Variants in ENOX2 observed in about 807,000 individuals in gnomAD.
ENOX2 encodes ecto-NOX disulfide-thiol exchanger 2, also known as APK1 antigen.
Under a neutral mutation model 45.0 loss-of-function variants are expected in ENOX2, and 36 were observed. That is an observed-to-expected ratio of 0.80 (90% CI 0.61 to 1.06). The LOEUF (loss-of-function observed/expected upper bound fraction) is 1.06, where lower values mean the gene tolerates loss of function less well. ENOX2 is among the 50% of genes least tolerant of loss of function. The pLI, the probability that ENOX2 is intolerant of heterozygous loss-of-function variation, is 0.00. For synonymous variants in ENOX2, 174 were observed against 152.3 expected (o/e 1.14, Z -1.05); for missense variants, 423 against 462.5 (o/e 0.91, Z 0.78).
rs1024669879 is a variant in ENOX2 at position 130,624,078 on chromosome X, C to A, written c.*1236G>T. On this transcript the variant is annotated 3_prime_UTR_variant, in exon 15 of 15. Coordinates refer to ENST00000394363, the MANE Select transcript of ENOX2 (RefSeq NM_006375.4). Reference sequence around the variant, plus strand: ...CTTGCATTATTATAAATACCACAACCACCACCACACACAATAAAGACCATC... The same window carrying A: ...CTTGCATTATTATAAATACCACAACAACCACCACACACAATAAAGACCATC... The A allele has an allele frequency of 6.3e-5, 7 of 110,535 alleles. No homozygotes were observed. The highest frequency in any genetic ancestry group is 3.9e-4 in the Admixed American group (4 of 10,284). The allele number at this position is 110,535 out of a possible 1,213,427, so 9.1% of individuals were successfully genotyped here.
intron 2 of ENOX2, among the ~76,000 whole-genome samples, chrX:130,845,048 AT>A (rs1352436855): frequency 3.6e-5 from 4 of 112,502 alleles, no homozygotes; most frequent in African/African-American, 1.3e-4. Flanking sequence ...CTCATATTTA[AT>A]GATATGTGTG....
At chrX:130,717,282 C>G (rs746782732) in intron 3 of ENOX2, among the ~76,000 whole-genome samples, 1 of 112,038 alleles carries the variant, frequency 8.9e-6, no homozygotes, top group Non-Finnish European at 1.9e-5. Context: ...AGTTCCAACA[C>G]CAAGGAAAAC....
At chrX:130,880,617 T>C (rs1397265673) in intron 2 of ENOX2, among the ~76,000 whole-genome samples, 1 of 112,260 alleles carries the variant, frequency 8.9e-6, no homozygotes, top group Non-Finnish European at 1.9e-5. Context: ...TTGTGAGTCA[T>C]GAGTGGCTAA....
chrX:130,749,514 A>G (rs1280729593), intron 3 of ENOX2, among the ~76,000 whole-genome samples: 2 of 111,827 alleles, frequency 1.8e-5, no homozygotes, highest in Non-Finnish European at 3.8e-5. Flanking sequence ...CAAACTCCAC[A>G]GTACTGACAG....
chrX:130,671,142 T>C (rs1024752750), intron 6 of ENOX2, among the ~76,000 whole-genome samples: 5 of 111,972 alleles, frequency 4.5e-5, no homozygotes, highest in African/African-American at 1.6e-4. Flanking sequence ...CATTAGACTC[T>C]GTGCTTTCCT....
intron 2 of ENOX2, among the ~76,000 whole-genome samples, chrX:130,855,970 T>A (rs1166533795): frequency 8.9e-6 from 1 of 111,911 alleles, no homozygotes; most frequent in Non-Finnish European, 1.9e-5. Context: ...GATGAAAAGA[T>A]ACTCAACATC....
intron 2 of ENOX2, among the ~76,000 whole-genome samples, chrX:130,810,936 A>G (rs934257349): frequency 3.4e-4 from 38 of 112,110 alleles, no homozygotes; most frequent in African/African-American, 1.2e-3. Context: ...GCATCAGACT[A>G]GCCTCAGGTT....
At chrX:130,888,559 T>C (rs902680430) in intron 2 of ENOX2, among the ~76,000 whole-genome samples, 1 of 112,045 alleles carries the variant, frequency 8.9e-6, no homozygotes, top group Non-Finnish European at 1.9e-5. Context: ...AATGAGATAA[T>C]AGGTATGAAA....
rs766669203 is a variant in ENOX2, at chrX:130,709,346, T to C, written c.-38-6092A>G. The C allele has an allele frequency of 6.9e-5, 73 of 1,057,424 alleles. 1 individual carries two copies. The highest frequency in any genetic ancestry group is 1.3e-4 in the African/African-American group (7 of 54,265). 87.1% of individuals were successfully genotyped at this position (1,057,424 alleles called of 1,213,427 possible). ...TGTCATCATTTCTGCAGAAAGAAGA[T>C]AGTAGTCTCAGCTGGGCGTGGTAGC... On this transcript the variant is annotated intron_variant, in intron 3 of 14. Transcript: ENST00000394363.
In ENOX2 at chrX:130,767,944, T is replaced by C. The variant is rs1420292620; in HGVS notation, c.-39+15603A>G. ...AGGAGGATATTTCAGGTAGAGGGAA[T>C]GGATTGAAAGCATAGGGCATGTTTT... On this transcript the variant is annotated intron_variant, in intron 3 of 14. Coordinates refer to ENST00000394363, the MANE Select transcript of ENOX2 (RefSeq NM_006375.4). Among the ~76,000 whole-genome samples, 11 of 111,348 alleles carry C rather than the reference T, an allele frequency of 9.9e-5. No individual in the cohort carries two copies. In the Admixed American group the frequency reaches 1.1e-3, roughly 11 times the overall value.
At chrX:130,682,469 A>C (rs2037332214) in intron 5 of ENOX2, among the ~76,000 whole-genome samples, 1 of 107,466 alleles carries the variant, frequency 9.3e-6, no homozygotes, top group African/African-American at 3.4e-5. Flanking sequence ...CTGTAATCCC[A>C]GCTAATTGGG....
chrX:130,793,610 C>G lies in ENOX2; in HGVS notation c.-182-9920G>C, dbSNP rs146853846. Among the ~76,000 whole-genome samples, 185 of 111,905 alleles carry G rather than the reference C, an allele frequency of 1.7e-3. 1 individual carries two copies. Among genetic ancestry groups the G allele is most frequent in the Non-Finnish European group, 2.9e-3 (153 of 53,201 alleles). Reference sequence around the variant, plus strand: ...ACTACAGCTGGACTAGAGAGAGTATCATTTCTCTCTAAATCCATATTTTCG... The same window carrying G: ...ACTACAGCTGGACTAGAGAGAGTATGATTTCTCTCTAAATCCATATTTTCG... On this transcript the variant is annotated intron_variant, in intron 2 of 14. Transcript: ENST00000394363.
At chrX:130,658,260 C>A (rs907867345) in intron 9 of ENOX2, among the ~76,000 whole-genome samples, 6 of 110,689 alleles carry the variant, frequency 5.4e-5, no homozygotes, top group Admixed American at 9.6e-5. Context: ...ATAAAAATAA[C>A]CAGACGAGCC....
intron 2 of ENOX2, among the ~76,000 whole-genome samples, chrX:130,820,273 C>T (rs1219923681): frequency 8.9e-6 from 1 of 112,138 alleles, no homozygotes; most frequent in Non-Finnish European, 1.9e-5. Flanking sequence ...TCACCCCACA[C>T]CTGACAGAAT....
intron 3 of ENOX2, among the ~76,000 whole-genome samples, chrX:130,777,394 G>C (rs1413170718): frequency 9.2e-6 from 1 of 108,323 alleles, no homozygotes; most frequent in Non-Finnish European, 1.9e-5. Context: ...AGCTACTCGG[G>C]GGGAGCTGAG....
chrX:130,670,021 G>A lies in ENOX2; in HGVS notation c.638C>T (p.Pro213Leu), dbSNP rs12689920. 10 of 1,209,024 alleles carry A rather than the reference G, an allele frequency of 8.3e-6. No homozygotes were observed. The East Asian group carries it at 3.0e-4, about 36-fold the overall frequency. ...EEERLRPPSP[P>L]PVVHYSDHEC... is the part of the protein sequence containing the mutation. ...ATGATCTGAATAGTGGACCACTGGG[G>A]GTGGAGATGGTGGACGCAATCTTTC... The change falls in exon 7 of 15, where the codon CCC becomes CTC. Residue 213 changes from proline to leucine, a missense_variant. This residue lies in a region of ENOX2 where 261 missense variants were observed against 306.8 expected (regional missense o/e 0.85). Transcript: ENST00000394363.
intron 4 of ENOX2, among the ~76,000 whole-genome samples, chrX:130,693,695 G>A (rs1164996905): frequency 4.5e-5 from 5 of 112,270 alleles, no homozygotes; most frequent in Admixed American, 1.9e-4. Context: ...ATTAAAGTTG[G>A]ATATAAATTC....
chrX:130,745,306 C>T (rs10126821), intron 3 of ENOX2, among the ~76,000 whole-genome samples: 1 of 112,174 alleles, frequency 8.9e-6, no homozygotes, highest in Non-Finnish European at 1.9e-5. Context: ...CTCCTCTTTT[C>T]TTTCCTCTGT....
chrX:130,758,076 T>A (rs1033019967), intron 3 of ENOX2, among the ~76,000 whole-genome samples: 1 of 112,137 alleles, frequency 8.9e-6, no homozygotes, highest in South Asian at 3.7e-4. Context: ...GCTGGGATTA[T>A]AGGCAAGGCA....
Sources: allele counts gnomAD v4.1 joint callset (sites outside exome capture counted in the v4.1 genomes callset), GRCh38; gene constraint gnomAD v4.1.1; regional missense constraint gnomAD v4.1.1; transcripts MANE v1.5; gene names NCBI Gene and HGNC (gene_info 2026-07-23, HGNC 2026-07-21).